The following ZNF846 variants were observed in gnomAD, a reference collection of about 807,000 sequenced individuals.
The protein encoded by ZNF846 is zinc finger protein 420 pseudogene.
In ZNF846, 15 loss-of-function variants were observed where a neutral mutation model predicts 16.0. The observed-to-expected ratio is 0.94, with a 90% CI of 0.63 to 1.45. The LOEUF (loss-of-function observed/expected upper bound fraction) is 1.45. Among genes scored for constraint, ZNF846 ranks in the 40% most tolerant of loss-of-function variants. ZNF846 has a pLI of 0.00. For missense variants in ZNF846, 714 were observed against 622.3 expected (o/e 1.15, Z -1.57); for synonymous variants, 229 against 212.0 (o/e 1.08, Z -0.70).
At chr19:9,758,983 AC>A (rs1278217351) in intron 5 of ZNF846, among the ~76,000 whole-genome samples, 1 of 151,746 alleles carries the variant, frequency 6.6e-6, no homozygotes, top group African/African-American at 2.4e-5. Flanking sequence ...AGCTTCTTAG[AC>A]AATCTGTCTG....
At chr19:9,774,848 G>A (rs919061900) in intron 1 of ZNF846, 27 of 1,609,772 alleles carry the variant, frequency 1.7e-5, no homozygotes, top group Admixed American at 1.0e-4. Flanking sequence ...CCCCCAGCCC[G>A]AGCACCCGCT....
At chr19:9,770,954 T>A (rs1406285202), upstream of ZNF846, among the ~76,000 whole-genome samples, 1 of 149,808 alleles carries the variant, frequency 6.7e-6, no homozygotes, top group East Asian at 2.0e-4. Flanking sequence ...TGGAAAAAGG[T>A]TTATTTATTT....
chr19:9,761,545 T>C (rs2045228541), intron 4 of ZNF846, among the ~76,000 whole-genome samples: 1 of 151,854 alleles, frequency 6.6e-6, no homozygotes, highest in Admixed American at 6.6e-5. Flanking sequence ...ATCCCATCTC[T>C]ACAAAAATAC....
intron 1 of ZNF846, among the ~76,000 whole-genome samples, chr19:9,780,324 C>T (rs2045490289): frequency 2.0e-5 from 3 of 152,142 alleles, no homozygotes; most frequent in African/African-American, 7.2e-5. Flanking sequence ...CCGCCCCAGC[C>T]TCCCCAATAA....
upstream of ZNF846, among the ~76,000 whole-genome samples, chr19:9,770,750 TC>T: frequency 6.6e-6 from 1 of 151,998 alleles, no homozygotes; most frequent in East Asian, 1.9e-4. Flanking sequence ...GCACCTGTAA[TC>T]CCAGCTTCTC....
At chr19:9,774,602 C>A in intron 1 of ZNF846, 1 of 1,509,562 alleles carries the variant, frequency 6.6e-7, no homozygotes, top group Non-Finnish European at 9.2e-7. Flanking sequence ...ATTGACTTAG[C>A]AAGGGCTTAT....
intron 1 of ZNF846, among the ~76,000 whole-genome samples, chr19:9,777,147 A>ACG (rs1035216896): frequency 1.3e-3 from 185 of 143,750 alleles, no homozygotes; most frequent in African/African-American, 4.7e-3. Flanking sequence ...ACACACACAC[A>ACG]CGCACACACA....
chr19:9,756,701 A>G (rs1209131662), downstream of ZNF846: 1 of 145,266 alleles, frequency 6.9e-6, no homozygotes, highest in Non-Finnish European at 1.5e-5. Flanking sequence ...TAGCCTTTAC[A>G]TTTGTAGGGT....
At chr19:9,760,343 G>C (rs186322580) in intron 4 of ZNF846, among the ~76,000 whole-genome samples, 25 of 150,842 alleles carry the variant, frequency 1.7e-4, no homozygotes, top group Admixed American at 5.9e-4. Flanking sequence ...ATGTGGCAGA[G>C]TGAAGAACTA....
At chr19:9,760,543 A>C (rs928688293) in intron 4 of ZNF846, among the ~76,000 whole-genome samples, 1 of 150,690 alleles carries the variant, frequency 6.6e-6, no homozygotes, top group African/African-American at 2.5e-5. Context: ...TCTACTAAAA[A>C]TACAAAAATT....
intron 1 of ZNF846, among the ~76,000 whole-genome samples, chr19:9,767,718 C>T (rs1415143340): frequency 4.6e-5 from 7 of 151,984 alleles, no homozygotes; most frequent in African/African-American, 7.2e-5. Context: ...GGGTGGATCA[C>T]GAGGTCAGGA....
chr19:9,765,631 C>T (rs976654373), intron 1 of ZNF846, among the ~76,000 whole-genome samples: 1 of 152,156 alleles, frequency 6.6e-6, no homozygotes, highest in African/African-American at 2.4e-5. Context: ...CGAGATTGCA[C>T]CACTGCACTC....
upstream of ZNF846, among the ~76,000 whole-genome samples, chr19:9,769,228 T>C (rs2045367203): frequency 6.6e-6 from 1 of 151,370 alleles, no homozygotes; most frequent in Non-Finnish European, 1.5e-5. Context: ...TGGACCACAG[T>C]TGGGCCCATC....
chr19:9,768,417 C>G (rs1182479078), exon 1 of ZNF846: 2 of 152,224 alleles, frequency 1.3e-5, no homozygotes, highest in African/African-American at 4.8e-5. Context: ...CAGAGGGGCA[C>G]GGTGGTTGGA....
At chr19:9,776,626 T>C (rs147383004) in intron 1 of ZNF846, among the ~76,000 whole-genome samples, 5,652 of 152,278 alleles carry the variant, frequency 0.037, 368 homozygotes, top group African/African-American at 0.13. Flanking sequence ...TTGGGGCCAC[T>C]ACCGGTCTCC....
At chr19:9,785,502 ATC>A (rs2045549252) in intron 1 of ZNF846, among the ~76,000 whole-genome samples, 1 of 57,256 alleles carries the variant, frequency 1.7e-5, no homozygotes, top group African/African-American at 7.2e-5. Flanking sequence ...CCCCACCCCC[ATC>A]TCTCCCTTCA....
intron 4 of ZNF846, among the ~76,000 whole-genome samples, chr19:9,760,244 G>C (rs2045203158): frequency 6.7e-6 from 1 of 150,350 alleles, no homozygotes; most frequent in Non-Finnish European, 1.5e-5. Context: ...GGTGAGGTGA[G>C]ATCCACCACT....
In ZNF846 at chr19:9,783,526, TAA is replaced by T. The variant is rs1161223088; in HGVS notation, c.-86+2410_-86+2411del. Among the ~76,000 whole-genome samples, 886 of 106,134 alleles carry T rather than the reference TAA, an allele frequency of 8.3e-3. 9 individuals are homozygous for T. Among genetic ancestry groups the T allele is most frequent in the African/African-American group, 0.03 (843 of 28,398 alleles). The allele number at this position is 106,134 out of a possible 152,430, so 69.6% of individuals were successfully genotyped here. On this transcript the variant is annotated intron_variant, in intron 1 of 4. Transcript: ENST00000586814. Reference sequence around the variant, plus strand: ...GGCAACATAGTGAGAGTCTCATCACTAAAAAAAAAAAAAAAAAAATATATATA... The same window carrying T: ...GGCAACATAGTGAGAGTCTCATCACTAAAAAAAAAAAAAAAAATATATATA...
At chr19:9,784,985 T>C (rs190144917) in intron 1 of ZNF846, among the ~76,000 whole-genome samples, 96 of 152,296 alleles carry the variant, frequency 6.3e-4, no homozygotes, top group Non-Finnish European at 9.4e-4. Context: ...TTCTTGTGTC[T>C]TCCTTTTTCT....
Sources: gnomAD v4.1 joint callset for allele counts (sites outside exome capture counted in the v4.1 genomes callset) on GRCh38, gnomAD v4.1.1 for gene constraint, MANE v1.5 for transcripts, NCBI Gene and HGNC (gene_info 2026-07-23, HGNC 2026-07-21) for gene names.